Variants in MICAL3 observed in about 807,000 individuals in gnomAD.
The protein encoded by MICAL3 is [F-actin]-monooxygenase MICAL3.
In MICAL3, 62 loss-of-function variants were observed where a neutral mutation model predicts 207.4. The ratio of observed to expected loss-of-function variants is 0.30; its 90% CI spans 0.24 to 0.37. The LOEUF (loss-of-function observed/expected upper bound fraction) is 0.37, where lower values mean the gene tolerates loss of function less well. Among genes scored for constraint, MICAL3 ranks in the 10% least tolerant of loss-of-function variants. The pLI, the probability that MICAL3 is intolerant of heterozygous loss-of-function variation, is 1.00. For missense variants in MICAL3, 2,368 were observed against 2,635.6 expected (o/e 0.90, Z 2.22); for synonymous variants, 1,077 against 1,069.3 (o/e 1.01, Z -0.14).
At chr22:17,871,338 C>CAG (rs1927703887) in intron 17 of MICAL3, among the ~76,000 whole-genome samples, 2 of 152,172 alleles carry the variant, frequency 1.3e-5, no homozygotes, top group Non-Finnish European at 1.5e-5. Flanking sequence ...CGCAATCCAC[C>CAG]AGAGAGAGAT....
rs764141741 is a variant in MICAL3, at chr22:17,819,091, C to T, written c.3570G>A (p.Glu1190=). ...GGAAAAGGCGCTCCTCAGGTGATTTCTCCTGGGTGGCGGCAGGGACAGGTG... is the reference window on the plus strand; with the variant it reads ...GGAAAAGGCGCTCCTCAGGTGATTTTTCCTGGGTGGCGGCAGGGACAGGTG... The part of the protein sequence containing the change: ...QLPPVPAATQ[E]KSPEERLFPE... Residue 1190 remains glutamate (E), a synonymous_variant, in exon 26 of 32, where the codon GAG becomes GAA. Transcript: ENST00000441493. 1.3e-6 allele frequency: 2 copies of T among 1,515,604 alleles called. No homozygotes were observed. Among genetic ancestry groups the T allele is most frequent in the East Asian group, 4.6e-5 (2 of 43,434 alleles). The allele number at this position is 1,515,604 out of a possible 1,614,324, so 93.9% of individuals were successfully genotyped here.
chr22:17,790,717 G>A lies in MICAL3; in HGVS notation c.*15C>T. Reference sequence around the variant, plus strand: ...CAGGCGGATGCCAACAGAAAATGGAGCGTTGGGTGGGAGCTCAGGACCAGT... The same window carrying A: ...CAGGCGGATGCCAACAGAAAATGGAACGTTGGGTGGGAGCTCAGGACCAGT... On this transcript the variant is annotated 3_prime_UTR_variant, in exon 32 of 32. Transcript: ENST00000441493. 1 of 1,576,192 alleles carries A rather than the reference G, an allele frequency of 6.3e-7. No homozygotes were observed. Among genetic ancestry groups the A allele is most frequent in the Non-Finnish European group, 8.6e-7 (1 of 1,160,104 alleles).
intron 28 of MICAL3, among the ~76,000 whole-genome samples, chr22:17,809,194 G>A (rs2062017851): frequency 1.3e-5 from 2 of 152,342 alleles, no homozygotes; most frequent in East Asian, 3.9e-4. Flanking sequence ...CACCCTCCCA[G>A]GAGTGTTGCA....
At chr22:17,864,668 C>A (rs958621499) in intron 19 of MICAL3, 2 of 1,605,836 alleles carry the variant, frequency 1.2e-6, no homozygotes, top group Non-Finnish European at 1.7e-6. Context: ...TGGGCCACAG[C>A]CTGCCAGTGG....
At chr22:17,948,094 C>G (rs949959031) in intron 1 of MICAL3, among the ~76,000 whole-genome samples, 7 of 152,192 alleles carry the variant, frequency 4.6e-5, no homozygotes, top group African/African-American at 9.7e-5. Flanking sequence ...CAGAGCTGAT[C>G]TACCAGATGC....
chr22:17,863,330 CT>C, intron 19 of MICAL3: 1 of 985,400 alleles, frequency 1.0e-6, no homozygotes, highest in Non-Finnish European at 1.2e-6. Flanking sequence ...AAATCCATCT[CT>C]GATGAAATAG....
chr22:17,882,658 T>G (rs1206930280), intron 16 of MICAL3, among the ~76,000 whole-genome samples: 1 of 152,242 alleles, frequency 6.6e-6, no homozygotes, highest in Non-Finnish European at 1.5e-5. Flanking sequence ...CACAGTGCTA[T>G]CTCCCTGCCA....
chr22:17,930,748 T>A (rs139562249), intron 1 of MICAL3, among the ~76,000 whole-genome samples: 2 of 152,196 alleles, frequency 1.3e-5, no homozygotes, highest in Non-Finnish European at 2.9e-5. Flanking sequence ...TGAGTTAGAA[T>A]TGGCCACGCC....
chr22:17,891,190 G>C (rs902814039), intron 12 of MICAL3, among the ~76,000 whole-genome samples: 1 of 152,080 alleles, frequency 6.6e-6, no homozygotes, highest in African/African-American at 2.4e-5. Context: ...AACAGGCCCA[G>C]GTGGGTGTCA....
At chr22:18,014,574 C>A (rs1923936897) in intron 1 of MICAL3, among the ~76,000 whole-genome samples, 2 of 152,308 alleles carry the variant, frequency 1.3e-5, no homozygotes, top group Non-Finnish European at 1.5e-5. Context: ...CATTACATAC[C>A]CTTCTTTCCC....
intron 21 of MICAL3, 150 bp downstream of exon 21, chr22:17,831,704 C>T: frequency 1.5e-6 from 2 of 1,298,524 alleles, no homozygotes; most frequent in South Asian, 1.6e-5. Flanking sequence ...TCCCCTCTGC[C>T]CCCCATGTCT....
At chr22:17,954,986 A>G (rs1184382207) in intron 1 of MICAL3, among the ~76,000 whole-genome samples, 2 of 152,180 alleles carry the variant, frequency 1.3e-5, no homozygotes, top group Non-Finnish European at 2.9e-5. Flanking sequence ...GGCCTCGCAA[A>G]ATGCTGGGAT....
At chr22:17,907,244 G>C (rs1792253785) in intron 1 of MICAL3, among the ~76,000 whole-genome samples, 2 of 152,276 alleles carry the variant, frequency 1.3e-5, no homozygotes, top group South Asian at 4.1e-4. Context: ...CTGAAGGCGA[G>C]CCTCTGAGAG....
intron 1 of MICAL3, among the ~76,000 whole-genome samples, chr22:17,968,534 G>A (rs533818971): frequency 4.3e-4 from 65 of 152,322 alleles, no homozygotes; most frequent in African/African-American, 1.5e-3. Context: ...AGATATATTA[G>A]TATGTGCCTC....
chr22:17,970,960 T>C (rs1297245225), intron 1 of MICAL3, among the ~76,000 whole-genome samples: 1 of 152,066 alleles, frequency 6.6e-6, no homozygotes, highest in Non-Finnish European at 1.5e-5. Flanking sequence ...AGTGGGCAGA[T>C]TGCTTGAGCT....
rs374621205 is a variant in MICAL3, at chr22:17,831,912, T to TTCC, written c.2994_2996dup (p.Glu1000dup). ...CCTCCTCCTCCTCCTCTTCATATTC[T>TTCC]TCCTCCTCCTCCTCCTCCTCTTCAT... On this transcript the variant is annotated inframe_insertion, in exon 21 of 32. Transcript: ENST00000441493. The TTCC allele has an allele frequency of 2.3e-3, 3,549 of 1,557,832 alleles. 66 individuals carry two copies. The African/African-American group carries it at 0.042, about 18-fold the overall frequency.
At chr22:17,901,413 C>T (rs1931310105) in intron 5 of MICAL3, among the ~76,000 whole-genome samples, 1 of 152,088 alleles carries the variant, frequency 6.6e-6, no homozygotes, top group African/African-American at 2.4e-5. Context: ...TGGTTCACGC[C>T]TGTAATCCCA....
At chr22:17,875,455 G>GGGAGTC in intron 16 of MICAL3, 2 of 1,560,760 alleles carry the variant, frequency 1.3e-6, no homozygotes, top group Non-Finnish European at 1.7e-6. Flanking sequence ...ACCTGTCGGA[G>GGGAGTC]GGAGTCGGAG....
intron 25 of MICAL3, among the ~76,000 whole-genome samples, chr22:17,819,586 CAG>C (rs1921319409): frequency 1.3e-5 from 2 of 152,046 alleles, no homozygotes; most frequent in South Asian, 2.1e-4. Flanking sequence ...CAAAGATGTG[CAG>C]AGATTCCTGC....
Sources: allele counts gnomAD v4.1 joint callset (sites outside exome capture counted in the v4.1 genomes callset), GRCh38; gene constraint gnomAD v4.1.1; transcripts MANE v1.5; gene names NCBI Gene and HGNC (gene_info 2026-07-23, HGNC 2026-07-21).